Variants in ZNF654 observed in about 807,000 individuals in gnomAD.
The protein encoded by ZNF654 is melanoma-associated antigen.
ZNF654 carries 19 observed loss-of-function variants against 95.3 expected under a neutral mutation model. The ratio of observed to expected loss-of-function variants is 0.20; its 90% CI spans 0.14 to 0.29. The LOEUF is 0.29. Among genes scored for constraint, ZNF654 ranks in the 10% least tolerant of loss-of-function variants. The pLI is 1.00. For missense variants in ZNF654, 1,046 were observed against 1,341.0 expected (o/e 0.78, Z 3.44); for synonymous variants, 413 against 457.9 (o/e 0.90, Z 1.25).
intron 3 of ZNF654, 64 bp downstream of exon 3, chr3:88,113,260 A>G (rs1388000203): frequency 1.0e-6 from 1 of 979,574 alleles, no homozygotes; most frequent in Non-Finnish European, 1.5e-6. Flanking sequence ...TGCTCCCCCT[A>G]AATATAGCTT....
At chr3:88,076,265 G>A (rs1019731854) in intron 1 of ZNF654, among the ~76,000 whole-genome samples, 2 of 151,946 alleles carry the variant, frequency 1.3e-5, no homozygotes, top group African/African-American at 4.8e-5. Flanking sequence ...TTGGATCTCC[G>A]GTCTGGTTCA....
chr3:88,093,579 A>G (rs1703875937), intron 2 of ZNF654, among the ~76,000 whole-genome samples: 1 of 152,192 alleles, frequency 6.6e-6, no homozygotes, highest in Non-Finnish European at 1.5e-5. Context: ...TCTTGTCTTC[A>G]TGGAGCTAAG....
intron 3 of ZNF654, among the ~76,000 whole-genome samples, chr3:88,114,514 T>C (rs1241759302): frequency 6.6e-6 from 1 of 152,196 alleles, no homozygotes; most frequent in South Asian, 2.1e-4. Context: ...TACTTTTCTA[T>C]CTCCTGCTCT....
chr3:88,123,443 A>G lies in ZNF654; in HGVS notation c.415-2691A>G, dbSNP rs149597559. Among the ~76,000 whole-genome samples, 401 of 152,298 alleles carry G rather than the reference A, an allele frequency of 2.6e-3. 1 individual carries two copies. The highest frequency in any genetic ancestry group is 9.4e-3 in the African/African-American group (390 of 41,570). On this transcript the variant is annotated intron_variant, in intron 3 of 8. Transcript: ENST00000636215. Reference sequence around the variant, plus strand: ...GAGTCAAGTATATAATTCATAATGTAATCATTTATGGGAGTAGACACTAAG... The same window carrying G: ...GAGTCAAGTATATAATTCATAATGTGATCATTTATGGGAGTAGACACTAAG...
intron 1 of ZNF654, among the ~76,000 whole-genome samples, chr3:88,074,362 G>C (rs1437662065): frequency 8.4e-6 from 1 of 119,328 alleles, no homozygotes; most frequent in African/African-American, 3.0e-5. Context: ...TTTTTTTTGA[G>C]ACTGAGTCTT....
In ZNF654 at chr3:88,140,130, A is replaced by G; in HGVS notation, c.2461A>G (p.Asn821Asp). The G allele has an allele frequency of 1.2e-6, 2 of 1,613,906 alleles. No individual in the cohort carries two copies. The highest frequency in any genetic ancestry group is 1.3e-5 in the African/African-American group (1 of 75,042). Residue 821 changes from asparagine to aspartate, a missense_variant, in exon 8 of 9, where the codon AAT becomes GAT. Around this residue, in one of 9 missense-constraint regions of ZNF654, gnomAD observed 495 missense variants for 537.0 expected, o/e 0.92. Transcript: ENST00000636215. ...YPNVYFCLHF[N>D]CNESFKLPFQ... Reference sequence around the variant, plus strand: ...AAATGTGTATTTTTGTTTGCATTTTAATTGCAACGAGTCGTTTAAGCTGCC... The same window carrying G: ...AAATGTGTATTTTTGTTTGCATTTTGATTGCAACGAGTCGTTTAAGCTGCC...
At chr3:88,128,480 A>C (rs1276334320) in intron 4 of ZNF654, among the ~76,000 whole-genome samples, 1 of 152,126 alleles carries the variant, frequency 6.6e-6, no homozygotes. Flanking sequence ...GACTAAAAAG[A>C]CATAGACCCA....
chr3:88,080,342 T>G (rs1708015797), intron 1 of ZNF654, among the ~76,000 whole-genome samples: 2 of 152,132 alleles, frequency 1.3e-5, no homozygotes, highest in African/African-American at 4.8e-5. Context: ...TTTTGTTGTT[T>G]TCTTTTCTTA....
chr3:88,111,500 T>A (rs1404463324), intron 2 of ZNF654, among the ~76,000 whole-genome samples: 4 of 152,038 alleles, frequency 2.6e-5, no homozygotes, highest in African/African-American at 7.2e-5. Flanking sequence ...TGGAATTTTT[T>A]AATTCATATA....
Position 88,121,684 on chromosome 3 carries a change from G to T in ZNF654, c.415-4450G>T, listed in dbSNP as rs1206962829. On this transcript the variant is annotated intron_variant, in intron 3 of 8. Coordinates refer to ENST00000636215, the MANE Select transcript of ZNF654 (RefSeq NM_001350134.2). ...TTGCTATGAGATAACCAATCAATGTGTAATAAGATTTATGATTATTCTCAT... is the reference window on the plus strand; with the variant it reads ...TTGCTATGAGATAACCAATCAATGTTTAATAAGATTTATGATTATTCTCAT... 5.9e-5 allele frequency among the ~76,000 whole-genome samples: 9 copies of T among 152,220 alleles called. No homozygotes were observed. The East Asian group carries it at 1.7e-3, about 29-fold the overall frequency.
intron 1 of ZNF654, among the ~76,000 whole-genome samples, chr3:88,084,682 A>G (rs1238368751): frequency 6.6e-6 from 1 of 152,202 alleles, no homozygotes; most frequent in Non-Finnish European, 1.5e-5. Context: ...ATTTTATCCA[A>G]GTTTGCCTGC....
chr3:88,119,563 C>T (rs1432069402), intron 3 of ZNF654, among the ~76,000 whole-genome samples: 4 of 150,272 alleles, frequency 2.7e-5, no homozygotes, highest in African/African-American at 9.8e-5. Context: ...AAAAAAAAAA[C>T]AATAATTATT....
At chr3:88,131,681 A>G (rs1706472211) in intron 6 of ZNF654, among the ~76,000 whole-genome samples, 1 of 152,144 alleles carries the variant, frequency 6.6e-6, no homozygotes, top group Non-Finnish European at 1.5e-5. Context: ...CTGCCTAACC[A>G]AAAAGGAGTC....
Position 88,129,758 on chromosome 3 carries a change from G to A in ZNF654, c.825G>A (p.Met275Ile). 6.5e-7 allele frequency: 1 copy of A among 1,528,762 alleles called. No homozygotes were observed. Among genetic ancestry groups the A allele is most frequent in the Non-Finnish European group, 8.8e-7 (1 of 1,141,830 alleles). 94.7% of individuals were successfully genotyped at this position (1,528,762 alleles called of 1,614,324 possible). A position where few individuals can be genotyped will look rare whatever the true frequency, so the allele number is the denominator to read the frequency against. Reference sequence around the variant, plus strand: ...ATGCTGAAAAAGAAGGCAAAACTATGTTAGCCTTGCAACTCTGTGAATCCT... The same window carrying A: ...ATGCTGAAAAAGAAGGCAAAACTATATTAGCCTTGCAACTCTGTGAATCCT... ...ICNAEKEGKT[M>I]LALQLCESFL... is the part of the protein sequence containing the mutation. The change falls in exon 6 of 9, where the codon ATG becomes ATA. Residue 275 changes from methionine (M) to isoleucine (I), a missense_variant. Physicochemically the swap from Met to Ile is conservative, Grantham distance 10. Coordinates refer to ENST00000636215, the MANE Select transcript of ZNF654 (RefSeq NM_001350134.2).
intron 6 of ZNF654, among the ~76,000 whole-genome samples, chr3:88,131,580 A>C (rs1218855835): frequency 6.6e-6 from 1 of 151,958 alleles, no homozygotes; most frequent in Non-Finnish European, 1.5e-5. Context: ...ACCCATTTCT[A>C]CTCTTTAGGG....
chr3:88,137,162 T>G (rs1706840871), intron 7 of ZNF654, among the ~76,000 whole-genome samples: 1 of 112,808 alleles, frequency 8.9e-6, no homozygotes, highest in East Asian at 3.0e-4. Flanking sequence ...GCCATTCTAC[T>G]CCAGCCTGGG....
chr3:88,063,649 G>A (rs1707022010), intron 1 of ZNF654, among the ~76,000 whole-genome samples: 1 of 152,028 alleles, frequency 6.6e-6, no homozygotes, highest in Non-Finnish European at 1.5e-5. Flanking sequence ...AATGTACTTA[G>A]TTTTAAGAAG....
intron 2 of ZNF654, chr3:88,095,690 T>C (rs1236300821): frequency 2.4e-6 from 1 of 418,296 alleles, no homozygotes; most frequent in Non-Finnish European, 4.6e-6. Context: ...GTCAGCACAG[T>C]TTGAGAAATT....
At chr3:88,136,134 A>G (rs2107871174) in intron 7 of ZNF654, among the ~76,000 whole-genome samples, 1 of 152,288 alleles carries the variant, frequency 6.6e-6, no homozygotes, top group Non-Finnish European at 1.5e-5. Context: ...AACACGTCTT[A>G]ACATTTGATG....
Sources: allele counts gnomAD v4.1 joint callset (sites outside exome capture counted in the v4.1 genomes callset), GRCh38; gene constraint gnomAD v4.1.1; regional missense constraint gnomAD v4.1.1; transcripts MANE v1.5; gene names NCBI Gene and HGNC (gene_info 2026-07-23, HGNC 2026-07-21).